The following GRID2 variants were observed in gnomAD, a reference collection of about 807,000 sequenced individuals.
GRID2 encodes the protein glutamate receptor ionotropic, delta-2.
Under a neutral mutation model 114.8 loss-of-function variants are expected in GRID2, and 33 were observed. The observed-to-expected ratio is 0.29, with a 90% CI of 0.22 to 0.38. The LOEUF is 0.38. Ranked by LOEUF, GRID2 falls within the 10% of genes least tolerant of loss-of-function variation. The pLI is 1.00. For synonymous variants in GRID2, 505 were observed against 449.9 expected (o/e 1.12, Z -1.55); for missense variants, 1,184 against 1,257.7 (o/e 0.94, Z 0.89).
At chr4:92,346,936 CTATCT>C (rs1727796387) in intron 1 of GRID2, among the ~76,000 whole-genome samples, 2 of 152,260 alleles carry the variant, frequency 1.3e-5, no homozygotes, top group South Asian at 4.1e-4. Context: ...ATCTGTCTCT[CTATCT>C]ATCTCATCAT....
intron 1 of GRID2, among the ~76,000 whole-genome samples, chr4:92,463,659 CT>C (rs1055789590): frequency 1.3e-5 from 2 of 151,974 alleles, no homozygotes; most frequent in Non-Finnish European, 2.9e-5. Flanking sequence ...TGTTTATTCA[CT>C]TCTGTACTGA....
chr4:93,077,538 A>G (rs1729446131), intron 2 of GRID2, among the ~76,000 whole-genome samples: 1 of 152,190 alleles, frequency 6.6e-6, no homozygotes, highest in South Asian at 2.1e-4. Flanking sequence ...GAATTTCTAT[A>G]AAATGATTAA....
At chr4:92,496,308 G>A (rs1021700006) in intron 1 of GRID2, among the ~76,000 whole-genome samples, 6 of 151,640 alleles carry the variant, frequency 4.0e-5, no homozygotes, top group Admixed American at 3.9e-4. Context: ...CCTCCTTCTA[G>A]TTATACCCTA....
At chr4:93,637,915 T>C (rs926103342) in intron 14 of GRID2, among the ~76,000 whole-genome samples, 14 of 152,266 alleles carry the variant, frequency 9.2e-5, no homozygotes, top group African/African-American at 3.4e-4. Flanking sequence ...AACATCATAA[T>C]TGGTCAGACA....
chr4:93,704,667 T>G (rs1192287103), intron 14 of GRID2, among the ~76,000 whole-genome samples: 5 of 152,194 alleles, frequency 3.3e-5, no homozygotes, highest in Non-Finnish European at 5.9e-5. Context: ...TCAATCGTTT[T>G]CATTTTTAGC....
chr4:92,552,980 C>G (rs1206031683), intron 1 of GRID2, among the ~76,000 whole-genome samples: 1 of 152,118 alleles, frequency 6.6e-6, no homozygotes, highest in Non-Finnish European at 1.5e-5. Flanking sequence ...GATTTGCTCA[C>G]ATAAGTGAAA....
At chr4:92,900,071 G>C (rs943223546) in intron 2 of GRID2, among the ~76,000 whole-genome samples, 1 of 152,092 alleles carries the variant, frequency 6.6e-6, no homozygotes, top group Non-Finnish European at 1.5e-5. Context: ...AAAATAGCAG[G>C]GAAAGGTGAG....
intron 2 of GRID2, among the ~76,000 whole-genome samples, chr4:92,679,477 A>G (rs1022386096): frequency 5.3e-5 from 8 of 151,932 alleles, no homozygotes; most frequent in African/African-American, 1.7e-4. Context: ...TTTTCACTAT[A>G]CCTATTTCAA....
At chr4:93,698,527 T>G (rs1289356501) in intron 14 of GRID2, among the ~76,000 whole-genome samples, 1 of 152,084 alleles carries the variant, frequency 6.6e-6, no homozygotes, top group African/African-American at 2.4e-5. Flanking sequence ...TAACTTGAAC[T>G]GAGGTTTCAT....
chr4:92,993,291 T>TAA (rs576389929), intron 2 of GRID2, among the ~76,000 whole-genome samples: 1 of 141,100 alleles, frequency 7.1e-6, no homozygotes. Flanking sequence ...ATAGTAGCAT[T>TAA]AAAAAAAAAA....
chr4:92,863,214 C>T (rs990019346), intron 2 of GRID2, among the ~76,000 whole-genome samples: 2 of 152,084 alleles, frequency 1.3e-5, no homozygotes, highest in African/African-American at 4.8e-5. Flanking sequence ...TACATTTCTA[C>T]ATTTTTCCTA....
intron 2 of GRID2, among the ~76,000 whole-genome samples, chr4:92,992,977 A>C (rs1754997169): frequency 6.6e-6 from 1 of 152,028 alleles, no homozygotes; most frequent in Admixed American, 6.6e-5. Context: ...CATTGCAGCT[A>C]CTTTCAGAGT....
At chr4:92,472,326 TCA>T (rs1230048063) in intron 1 of GRID2, among the ~76,000 whole-genome samples, 1 of 152,170 alleles carries the variant, frequency 6.6e-6, no homozygotes, top group South Asian at 2.1e-4. Flanking sequence ...GTTTATCCAC[TCA>T]CACGTTGATG....
At chr4:92,655,440 C>A (rs1732177012) in intron 2 of GRID2, among the ~76,000 whole-genome samples, 1 of 151,718 alleles carries the variant, frequency 6.6e-6, no homozygotes, top group African/African-American at 2.4e-5. Context: ...TGTGTTTTGA[C>A]AAGGATTGGA....
chr4:93,089,799 G>A (rs1005961030), intron 3 of GRID2, among the ~76,000 whole-genome samples: 8 of 152,082 alleles, frequency 5.3e-5, no homozygotes, highest in African/African-American at 1.7e-4. Context: ...GAAAATACTA[G>A]GCTTTTAGAT....
At chr4:92,763,655 AT>A (rs1428990757) in intron 2 of GRID2, among the ~76,000 whole-genome samples, 2 of 152,080 alleles carry the variant, frequency 1.3e-5, no homozygotes, top group African/African-American at 2.4e-5. Flanking sequence ...GTGGAGCGTA[AT>A]TTTTTGTAGG....
At chr4:92,672,534 G>A (rs1193189824) in intron 2 of GRID2, among the ~76,000 whole-genome samples, 1 of 151,754 alleles carries the variant, frequency 6.6e-6, no homozygotes, top group Admixed American at 6.6e-5. Context: ...CTAATAATGG[G>A]GTCTTGTCTT....
At chr4:92,535,869 A>C (rs1032390484) in intron 1 of GRID2, among the ~76,000 whole-genome samples, 3 of 151,926 alleles carry the variant, frequency 2.0e-5, no homozygotes, top group Non-Finnish European at 4.4e-5. Flanking sequence ...GAAGCTGCAG[A>C]CCTCTGTGGT....
chr4:92,659,929 G>A (rs921032924), intron 2 of GRID2, among the ~76,000 whole-genome samples: 2 of 151,530 alleles, frequency 1.3e-5, no homozygotes, highest in African/African-American at 2.4e-5. Context: ...CTGTTAGATA[G>A]ATGCACATCC....
Sources: allele counts gnomAD v4.1 joint callset (sites outside exome capture counted in the v4.1 genomes callset), GRCh38; gene constraint gnomAD v4.1.1; transcripts MANE v1.5; gene names NCBI Gene and HGNC (gene_info 2026-07-23, HGNC 2026-07-21).